Variants in FGD4 observed in about 807,000 individuals in gnomAD.
The protein encoded by FGD4 is FYVE, RhoGEF and PH domain containing 4.
In FGD4, 42 loss-of-function variants were observed where a neutral mutation model predicts 102.0. The ratio of observed to expected loss-of-function variants is 0.41; its 90% CI spans 0.32 to 0.53. The LOEUF (loss-of-function observed/expected upper bound fraction) is 0.53. Among genes scored for constraint, FGD4 ranks in the 20% least tolerant of loss-of-function variants. FGD4 has a pLI of 0.21. For synonymous variants in FGD4, 380 were observed against 375.7 expected (o/e 1.01, Z -0.13); for missense variants, 902 against 1,078.2 (o/e 0.84, Z 2.29).
chr12:32,599,312 G>C (rs1271535605), intron 5 of FGD4, among the ~76,000 whole-genome samples: 1 of 148,238 alleles, frequency 6.7e-6, no homozygotes, highest in African/African-American at 2.5e-5. Flanking sequence ...GGCTAACACG[G>C]TGAAACCCCG....
At chr12:32,630,004 C>T (rs898059593) in intron 14 of FGD4, among the ~76,000 whole-genome samples, 8 of 152,070 alleles carry the variant, frequency 5.3e-5, no homozygotes, top group Admixed American at 2.0e-4. Context: ...TAAGTTTTGG[C>T]GTAATGACCG....
At chr12:32,635,076 G>GT (rs1297316059) in intron 15 of FGD4, among the ~76,000 whole-genome samples, 2 of 152,194 alleles carry the variant, frequency 1.3e-5, no homozygotes, top group Admixed American at 1.3e-4. Flanking sequence ...ACTTACAAGT[G>GT]TACAAAGGTC....
chr12:32,560,725 C>T (rs914510949), intron 1 of FGD4, among the ~76,000 whole-genome samples: 4 of 152,022 alleles, frequency 2.6e-5, no homozygotes, highest in Non-Finnish European at 5.9e-5. Context: ...CAAGGTCTCC[C>T]TCTGTTGACC....
chr12:32,512,700 C>T (rs1023839067), intron 1 of FGD4, among the ~76,000 whole-genome samples: 1 of 152,128 alleles, frequency 6.6e-6, no homozygotes, highest in Non-Finnish European at 1.5e-5. Context: ...TGATCCAGGG[C>T]CCACCTCTTT....
chr12:32,472,333 G>A (rs1219614639), intron 1 of FGD4, among the ~76,000 whole-genome samples: 5 of 152,366 alleles, frequency 3.3e-5, no homozygotes, highest in Admixed American at 2.0e-4. Context: ...TGGCGCTTGC[G>A]GGCCAGCTGG....
intron 1 of FGD4, among the ~76,000 whole-genome samples, chr12:32,488,402 TATG>T (rs1005595454): frequency 1.4e-4 from 22 of 152,168 alleles, no homozygotes; most frequent in African/African-American, 5.3e-4. Flanking sequence ...GCTAGGGTAA[TATG>T]ATTATACGGT....
chr12:32,508,110 A>G (rs1938973929), intron 1 of FGD4, among the ~76,000 whole-genome samples: 1 of 152,186 alleles, frequency 6.6e-6, no homozygotes, highest in African/African-American at 2.4e-5. Flanking sequence ...GATGAAGGGT[A>G]CAGAGGGGAG....
At chr12:32,638,194 T>C (rs1240627090) in intron 15 of FGD4, among the ~76,000 whole-genome samples, 1 of 152,126 alleles carries the variant, frequency 6.6e-6, no homozygotes, top group Non-Finnish European at 1.5e-5. Flanking sequence ...AGACCCTGTT[T>C]CTACAAAAAA....
chr12:32,460,261 G>C (rs79205360), intron 1 of FGD4, among the ~76,000 whole-genome samples: 5,808 of 152,106 alleles, frequency 0.038, 173 homozygotes, highest in South Asian at 0.12. Flanking sequence ...CCTGTAATCC[G>C]AGGACTTTGA....
intron 1 of FGD4, among the ~76,000 whole-genome samples, chr12:32,503,195 T>A (rs1938379940): frequency 1.3e-5 from 2 of 152,218 alleles, no homozygotes; most frequent in African/African-American, 4.8e-5. Context: ...TCTGGATACT[T>A]CTTTTGTGTA....
At chr12:32,524,391 G>C (rs1275990784) in intron 1 of FGD4, among the ~76,000 whole-genome samples, 3 of 95,766 alleles carry the variant, frequency 3.1e-5, no homozygotes, top group African/African-American at 1.4e-4. Flanking sequence ...GGGAGACTCT[G>C]TCTCAAAAAA....
intron 1 of FGD4, among the ~76,000 whole-genome samples, chr12:32,459,697 T>TC (rs1274523442): frequency 2.1e-5 from 3 of 143,748 alleles, no homozygotes; most frequent in African/African-American, 7.9e-5. Flanking sequence ...GTAGATTTTC[T>TC]TTTTTTTTTT....
rs748732880 is a variant in FGD4, at chr12:32,576,387, T to C, written c.441T>C (p.Ser147=). 2.2e-5 allele frequency: 36 copies of C among 1,614,032 alleles called. No individual in the cohort carries two copies. Among genetic ancestry groups the C allele is most frequent in the Non-Finnish European group, 3.1e-5 (36 of 1,180,042 alleles). The change falls in exon 3 of 17, where the codon TCT becomes TCC. Residue 147 remains serine (S), a synonymous_variant. Coordinates refer to ENST00000534526, the MANE Select transcript of FGD4 (RefSeq NM_001370298.3). ...AGGAAATTAAACCTGCCTCTGCTTC[T>C]TGTGTCTCAAAAGAAAAACCCAGTA... ...RMEEIKPASA[S]CVSKEKPSKV...
At chr12:32,516,349 G>GCCCAGGCTGGTCTCAAACT (rs1939879115) in intron 1 of FGD4, among the ~76,000 whole-genome samples, 1 of 151,964 alleles carries the variant, frequency 6.6e-6, no homozygotes. Context: ...CCACTCTGTT[G>GCCCAGGCTGGTCTCAAACT]CCCAGGCTGG....
At chr12:32,489,547 G>A (rs929631651) in intron 1 of FGD4, among the ~76,000 whole-genome samples, 1 of 152,200 alleles carries the variant, frequency 6.6e-6, no homozygotes, top group Non-Finnish European at 1.5e-5. Context: ...GGCAGGTCAG[G>A]TGGAACATTA....
chr12:32,643,782 C>A lies in FGD4; in HGVS notation c.*3249C>A, dbSNP rs1007899114. On this transcript the variant is annotated 3_prime_UTR_variant, in exon 17 of 17. Coordinates refer to ENST00000534526, the MANE Select transcript of FGD4 (RefSeq NM_001370298.3). The stretch of plus-strand genomic sequence containing the variant: ...TTTGATGCCTTCTAAAAACTTTTGT[C>A]AAAAATACTTTTGAGTTCACAATTC... 30 of 151,794 alleles carry A rather than the reference C, an allele frequency of 2.0e-4. No homozygotes were observed. The highest frequency in any genetic ancestry group is 6.5e-4 in the African/African-American group (27 of 41,366). The allele number at this position is 151,794 out of a possible 1,614,324, so 9.4% of individuals were successfully genotyped here.
chr12:32,438,699 G>A (rs760589357), intron 1 of FGD4, among the ~76,000 whole-genome samples: 18 of 151,204 alleles, frequency 1.2e-4, no homozygotes, highest in Non-Finnish European at 2.5e-4. Flanking sequence ...TCCACCTCCC[G>A]GGTTCACGCC....
intron 1 of FGD4, among the ~76,000 whole-genome samples, chr12:32,507,516 G>A (rs940210878): frequency 2.6e-5 from 4 of 152,008 alleles, no homozygotes; most frequent in African/African-American, 4.8e-5. Context: ...CGTCAGTATC[G>A]TATAAAAATC....
intron 1 of FGD4, among the ~76,000 whole-genome samples, chr12:32,489,604 A>G (rs1944022506): frequency 6.6e-6 from 1 of 152,246 alleles, no homozygotes; most frequent in Admixed American, 6.5e-5. Flanking sequence ...AAGTTTATGT[A>G]TAAAAGGGGT....
Sources: allele counts gnomAD v4.1 joint callset (sites outside exome capture counted in the v4.1 genomes callset), GRCh38; gene constraint gnomAD v4.1.1; transcripts MANE v1.5; gene names NCBI Gene and HGNC (gene_info 2026-07-23, HGNC 2026-07-21).